The following FRMD4B variants were observed in gnomAD, a reference collection of about 807,000 sequenced individuals.
The protein encoded by FRMD4B is FERM domain-containing protein 4B.
Under a neutral mutation model 141.5 loss-of-function variants are expected in FRMD4B, and 74 were observed. That is an observed-to-expected ratio of 0.52 (90% confidence interval 0.43 to 0.63). The LOEUF (loss-of-function observed/expected upper bound fraction) is 0.63, where lower values mean the gene tolerates loss of function less well. Among genes scored for constraint, FRMD4B ranks in the 30% least tolerant of loss-of-function variants. The pLI, the probability that FRMD4B is intolerant of heterozygous loss-of-function variation, is 0.00. For synonymous variants in FRMD4B, 506 were observed against 467.9 expected (o/e 1.08, Z -1.05); for missense variants, 1,366 against 1,253.4 (o/e 1.09, Z -1.36).
chr3:69,429,536 C>T (rs902896033), intron 2 of FRMD4B, among the ~76,000 whole-genome samples: 4 of 152,044 alleles, frequency 2.6e-5, no homozygotes, highest in African/African-American at 9.7e-5. Context: ...TCCCAATTAC[C>T]CTGATTTGAT....
intron 2 of FRMD4B, among the ~76,000 whole-genome samples, chr3:69,416,357 T>G (rs1009121697): frequency 1.3e-5 from 2 of 152,176 alleles, no homozygotes; most frequent in Non-Finnish European, 2.9e-5. Flanking sequence ...CACAATAAAC[T>G]GCATCCTTGA....
intron 1 of FRMD4B, among the ~76,000 whole-genome samples, chr3:69,317,881 G>C (rs1701859363): frequency 6.6e-6 from 1 of 151,968 alleles, no homozygotes; most frequent in African/African-American, 2.4e-5. Context: ...CACTGATCCG[G>C]GTGAATTTTT....
intron 1 of FRMD4B, among the ~76,000 whole-genome samples, chr3:69,482,789 G>T (rs939085219): frequency 6.6e-6 from 1 of 152,128 alleles, no homozygotes; most frequent in Admixed American, 6.5e-5. Context: ...CCCCCATAGG[G>T]GTGCCTAAAT....
rs142787466 is a variant in FRMD4B, at chr3:69,364,539, T to C, written c.162+21289A>G. 1.5e-3 allele frequency among the ~76,000 whole-genome samples: 236 copies of C among 152,302 alleles called. 1 individual carries two copies. The highest frequency in any genetic ancestry group is 5.5e-3 in the African/African-American group (229 of 41,574). ...AGTCAGCCTGGCTCTGGTTAAAGTC[T>C]ATATACAAACAAATCTGTGGGTCAA... On this transcript the variant is annotated intron_variant, in intron 1 of 22. Transcript: ENST00000398540.
At chr3:69,510,998 T>A (rs755964902) in intron 1 of FRMD4B, among the ~76,000 whole-genome samples, 1 of 152,222 alleles carries the variant, frequency 6.6e-6, no homozygotes, top group Non-Finnish European at 1.5e-5. Context: ...GGGTCATTTA[T>A]AAATAGAGTA....
At chr3:69,312,624 C>T (rs577268863) in intron 2 of FRMD4B, among the ~76,000 whole-genome samples, 3 of 152,320 alleles carry the variant, frequency 2.0e-5, no homozygotes, top group South Asian at 2.1e-4. Context: ...CTTGGCTGGG[C>T]GCAGAGGCTC....
intron 1 of FRMD4B, among the ~76,000 whole-genome samples, chr3:69,437,141 T>C (rs371970804): frequency 4.5e-4 from 68 of 152,256 alleles, no homozygotes; most frequent in African/African-American, 1.4e-3. Context: ...GGCACAATCA[T>C]GGCTCACTGC....
chr3:69,225,612 A>G (rs530906675), intron 7 of FRMD4B, among the ~76,000 whole-genome samples: 5 of 136,600 alleles, frequency 3.7e-5, no homozygotes, highest in African/African-American at 8.0e-5. Context: ...GGAGAATGGC[A>G]TGAACCTGGG....
intron 1 of FRMD4B, 132 bp from the exon 2 acceptor site, chr3:69,313,649 C>T (rs953653980): frequency 1.6e-6 from 1 of 624,712 alleles, no homozygotes; most frequent in Non-Finnish European, 2.9e-6. Flanking sequence ...AATAAACAGG[C>T]TTGGCCAAAA....
At chr3:69,485,492 C>T (rs1251522718) in intron 1 of FRMD4B, among the ~76,000 whole-genome samples, 3 of 152,206 alleles carry the variant, frequency 2.0e-5, no homozygotes, top group African/African-American at 7.2e-5. Context: ...CCTGCCTACT[C>T]TCAGCTCCCA....
In FRMD4B at chr3:69,182,671, G is replaced by A. The variant is rs377577151; in HGVS notation, c.1966C>T (p.Arg656Trp). Residue 656 changes from arginine to tryptophan, a missense_variant, in exon 20 of 23, where the codon CGG becomes TGG. Coordinates refer to ENST00000398540, the MANE Select transcript of FRMD4B (RefSeq NM_015123.3). ...HSSPYKTLER[R>W]PQGGRSMPTT... ...GGCATGCTTCGTCCTCCCTGGGGCC[G>A]CCTCTCCAGAGTTTTGTAAGGGCTG... The A allele has an allele frequency of 5.6e-6, 9 of 1,613,164 alleles. No individual in the cohort carries two copies. Among genetic ancestry groups the A allele is most frequent in the Non-Finnish European group, 6.8e-6 (8 of 1,179,250 alleles).
At chr3:69,229,328 C>A (rs905384144) in intron 7 of FRMD4B, among the ~76,000 whole-genome samples, 6 of 151,992 alleles carry the variant, frequency 3.9e-5, no homozygotes, top group African/African-American at 1.2e-4. Context: ...GGCCAGCCCC[C>A]CAAAATTACA....
chr3:69,244,663 C>T (rs9872739), intron 7 of FRMD4B, among the ~76,000 whole-genome samples: 14 of 151,780 alleles, frequency 9.2e-5, no homozygotes, highest in African/African-American at 2.7e-4. Context: ...GGGAGGCTGA[C>T]GTGGGCGGAT....
At chr3:69,334,946 A>T (rs1437080698) in intron 1 of FRMD4B, among the ~76,000 whole-genome samples, 1 of 152,198 alleles carries the variant, frequency 6.6e-6, no homozygotes, top group African/African-American at 2.4e-5. Flanking sequence ...GTTAAGTACC[A>T]TGAAAATGAG....
chr3:69,484,444 G>A (rs1479176477), intron 1 of FRMD4B, among the ~76,000 whole-genome samples: 5 of 152,146 alleles, frequency 3.3e-5, no homozygotes, highest in Non-Finnish European at 7.3e-5. Flanking sequence ...TCGAGTTCTT[G>A]TCCTGTGTCC....
At chr3:69,536,223 G>C in intron 1 of FRMD4B, 1 of 599,160 alleles carries the variant, frequency 1.7e-6, no homozygotes, top group Non-Finnish European at 3.1e-6. Flanking sequence ...GCCTCACTTG[G>C]TTTCTTGGCG....
intron 1 of FRMD4B, among the ~76,000 whole-genome samples, chr3:69,465,229 A>G (rs111995759): frequency 0.02 from 3,078 of 151,680 alleles, 117 homozygotes; most frequent in African/African-American, 0.071. Context: ...CTGAGGCAGG[A>G]GAATGGCATG....
chr3:69,421,760 C>G (rs760919162), intron 2 of FRMD4B, among the ~76,000 whole-genome samples: 1 of 152,244 alleles, frequency 6.6e-6, no homozygotes, highest in Non-Finnish European at 1.5e-5. Context: ...TTGGATAACA[C>G]AGATCTGAAA....
chr3:69,299,693 C>T (rs946048172), intron 4 of FRMD4B, among the ~76,000 whole-genome samples: 2 of 152,224 alleles, frequency 1.3e-5, no homozygotes, highest in Non-Finnish European at 2.9e-5. Flanking sequence ...CCTACTGAAC[C>T]TATCTTCATT....
Sources: allele counts gnomAD v4.1 joint callset (sites outside exome capture counted in the v4.1 genomes callset), GRCh38; gene constraint gnomAD v4.1.1; transcripts MANE v1.5; gene names NCBI Gene and HGNC (gene_info 2026-07-23, HGNC 2026-07-21).